Variants in FILIP1L observed in about 807,000 individuals in gnomAD.
FILIP1L encodes filamin A-interacting protein 1-like.
A neutral mutation model predicts 96.6 loss-of-function variants in FILIP1L; 55 were observed. The ratio of observed to expected loss-of-function variants is 0.57; its 90% CI spans 0.46 to 0.71. The LOEUF (loss-of-function observed/expected upper bound fraction) is 0.71. FILIP1L is among the 30% of genes least tolerant of loss of function. The pLI, the probability that FILIP1L is intolerant of heterozygous loss-of-function variation, is 0.00. For synonymous variants in FILIP1L, 467 were observed against 473.9 expected (o/e 0.99, Z 0.19); for missense variants, 1,304 against 1,321.2 (o/e 0.99, Z 0.20).
intron 4 of FILIP1L, among the ~76,000 whole-genome samples, chr3:99,853,134 G>C (rs1943787173): frequency 6.6e-6 from 1 of 152,160 alleles, no homozygotes; most frequent in Admixed American, 6.5e-5. Context: ...TTCTCAAATG[G>C]TCATGGGACT....
chr3:100,095,384 T>TG (rs1435639050), intron 1 of FILIP1L, among the ~76,000 whole-genome samples: 3 of 152,130 alleles, frequency 2.0e-5, no homozygotes, highest in African/African-American at 4.8e-5. Context: ...TCTGTATCCG[T>TG]GAATTCAACC....
At chr3:99,985,763 A>AT (rs1341427897) in intron 1 of FILIP1L, among the ~76,000 whole-genome samples, 1 of 151,868 alleles carries the variant, frequency 6.6e-6, no homozygotes. Flanking sequence ...TGGTTTTTGT[A>AT]TTTTTACTAG....
intron 1 of FILIP1L, among the ~76,000 whole-genome samples, chr3:99,986,385 T>G (rs1709342888): frequency 6.6e-6 from 1 of 151,944 alleles, no homozygotes; most frequent in Admixed American, 6.6e-5. Flanking sequence ...CTTCAGGGGG[T>G]TTTGCATATT....
At chr3:99,968,888 C>A (rs1365803890) in intron 1 of FILIP1L, among the ~76,000 whole-genome samples, 2 of 152,088 alleles carry the variant, frequency 1.3e-5, no homozygotes, top group African/African-American at 4.8e-5. Context: ...TTAGCACAAA[C>A]CTCTCTTTCA....
rs567192238 is a variant in FILIP1L, at chr3:100,057,106, G to T, written c.-11+56947C>A. Among the ~76,000 whole-genome samples the T allele has an allele frequency of 5.7e-3, 875 of 152,318 alleles. 6 individuals carry two copies. Among genetic ancestry groups the T allele is most frequent in the Non-Finnish European group, 9.8e-3 (666 of 68,030 alleles). ...TCAGGGCAGGAGATTTTAATGGAAA[G>T]TCCTGGACCTGCAGTCAGAGAAGCT... On this transcript the variant is annotated intron_variant, in intron 1 of 5. Coordinates refer to ENST00000477258, the MANE Select transcript of FILIP1L (RefSeq NM_001387850.1).
At chr3:100,056,801 G>A (rs186996993) in intron 1 of FILIP1L, among the ~76,000 whole-genome samples, 14 of 151,584 alleles carry the variant, frequency 9.2e-5, no homozygotes, top group African/African-American at 2.4e-4. Flanking sequence ...TCAGGAGATC[G>A]AGACCATCCT....
At chr3:99,916,578 C>T (rs1167175014) in intron 4 of FILIP1L, among the ~76,000 whole-genome samples, 1 of 151,928 alleles carries the variant, frequency 6.6e-6, no homozygotes, top group Non-Finnish European at 1.5e-5. Flanking sequence ...ACTTGCTGTG[C>T]ATTATATAAT....
At chr3:100,020,439 G>C (rs1037757900) in intron 1 of FILIP1L, among the ~76,000 whole-genome samples, 4 of 152,116 alleles carry the variant, frequency 2.6e-5, no homozygotes, top group African/African-American at 9.7e-5. Context: ...ACTTCCAAAA[G>C]AAAATACATG....
chr3:100,048,161 C>T (rs1400275971), intron 1 of FILIP1L, among the ~76,000 whole-genome samples: 1 of 152,198 alleles, frequency 6.6e-6, no homozygotes, highest in African/African-American at 2.4e-5. Flanking sequence ...ATGACCAGGT[C>T]CCAAGCTCTG....
chr3:99,862,742 C>T (rs919990848), intron 4 of FILIP1L, among the ~76,000 whole-genome samples: 5 of 152,238 alleles, frequency 3.3e-5, no homozygotes, highest in South Asian at 4.1e-4. Context: ...TCTTTGTGTT[C>T]GTTGTCTCTG....
chr3:100,014,601 C>T (rs1325653499), intron 1 of FILIP1L, among the ~76,000 whole-genome samples: 3 of 152,076 alleles, frequency 2.0e-5, no homozygotes. Flanking sequence ...TGATGTTAAA[C>T]ATTTTTTCAT....
chr3:100,056,789 G>A (rs2065471350), intron 1 of FILIP1L, among the ~76,000 whole-genome samples: 1 of 151,218 alleles, frequency 6.6e-6, no homozygotes, highest in Admixed American at 6.6e-5. Context: ...CGGATCACGA[G>A]GTCAGGAGAT....
At chr3:100,088,902 TG>T (rs1422360251) in intron 1 of FILIP1L, among the ~76,000 whole-genome samples, 1 of 152,226 alleles carries the variant, frequency 6.6e-6, no homozygotes, top group Non-Finnish European at 1.5e-5. Flanking sequence ...TTTTTTGTTA[TG>T]TTTATTTTTT....
chr3:100,012,073 G>A (rs1710173008), intron 1 of FILIP1L, among the ~76,000 whole-genome samples: 1 of 152,028 alleles, frequency 6.6e-6, no homozygotes, highest in South Asian at 2.1e-4. Context: ...TGGTAAGCAA[G>A]GGATGAATAT....
At chr3:99,833,283 A>T in intron 5 of FILIP1L, 2 of 1,600,012 alleles carry the variant, frequency 1.2e-6, no homozygotes, top group Non-Finnish European at 1.7e-6. Flanking sequence ...TAGAAAGAAG[A>T]GGAGTAAATT....
At chr3:100,074,201 G>A (rs548570776) in intron 1 of FILIP1L, among the ~76,000 whole-genome samples, 78 of 152,242 alleles carry the variant, frequency 5.1e-4, no homozygotes, top group Non-Finnish European at 7.9e-4. Flanking sequence ...AGTGGAGTCC[G>A]AGAGCTCTAA....
chr3:100,066,128 C>T (rs1029414228), intron 1 of FILIP1L, among the ~76,000 whole-genome samples: 4 of 152,204 alleles, frequency 2.6e-5, no homozygotes, highest in African/African-American at 7.2e-5. Flanking sequence ...TTCCCTTGCC[C>T]ACCTGTCAGT....
chr3:100,104,530 C>T (rs565517211), intron 1 of FILIP1L, among the ~76,000 whole-genome samples: 2 of 152,132 alleles, frequency 1.3e-5, no homozygotes, highest in Non-Finnish European at 2.9e-5. Context: ...TGGCTTGGAA[C>T]ATAGGCCTGT....
At chr3:99,936,690 A>C (rs1224867131) in intron 1 of FILIP1L, among the ~76,000 whole-genome samples, 1 of 150,324 alleles carries the variant, frequency 6.7e-6, no homozygotes, top group Non-Finnish European at 1.5e-5. Context: ...AGCCTTTTTA[A>C]ATCACTTGCC....
Sources: allele counts gnomAD v4.1 joint callset (sites outside exome capture counted in the v4.1 genomes callset), GRCh38; gene constraint gnomAD v4.1.1; transcripts MANE v1.5; gene names NCBI Gene and HGNC (gene_info 2026-07-23, HGNC 2026-07-21).